RAD51B: variants seen among roughly 807,000 people sequenced by gnomAD.
The protein encoded by RAD51B is DNA repair protein RAD51 homolog 2.
Under a neutral mutation model 42.2 loss-of-function variants are expected in RAD51B, and 38 were observed. The observed-to-expected ratio is 0.90, with a 90% CI of 0.70 to 1.18. The LOEUF is 1.18. RAD51B is among the 50% of genes most tolerant of loss of function. RAD51B has a pLI of 0.00. For missense variants in RAD51B, 373 were observed against 400.7 expected, an observed-to-expected ratio of 0.93 and a Z score of 0.59; for synonymous variants, 154 against 145.2, an observed-to-expected ratio of 1.06 and a Z score of -0.43.
chr14:68,509,811 G>A (rs1227329921), intron 10 of RAD51B, among the ~76,000 whole-genome samples: 1 of 152,256 alleles, frequency 6.6e-6, no homozygotes, highest in Admixed American at 6.5e-5. Flanking sequence ...AATGGACATG[G>A]CCTTGTTCCA....
intron 7 of RAD51B, among the ~76,000 whole-genome samples, chr14:68,024,826 C>T (rs2075925630): frequency 6.6e-6 from 1 of 151,778 alleles, no homozygotes; most frequent in African/African-American, 2.4e-5. Context: ...TATTTGGATG[C>T]CTTTTTATTT....
At chr14:68,411,758 TTC>T (rs1420770514) in intron 9 of RAD51B, among the ~76,000 whole-genome samples, 4 of 152,188 alleles carry the variant, frequency 2.6e-5, no homozygotes, top group African/African-American at 9.7e-5. Context: ...GAGTCAGCAT[TTC>T]TCTGATATTT....
At chr14:68,063,450 TG>T (rs759998146) in intron 7 of RAD51B, among the ~76,000 whole-genome samples, 1 of 151,998 alleles carries the variant, frequency 6.6e-6, no homozygotes, top group Non-Finnish European at 1.5e-5. Context: ...TAAAAGTGTA[TG>T]GGGGCTGGGC....
intron 5 of RAD51B, among the ~76,000 whole-genome samples, chr14:67,867,030 C>T (rs1405548477): frequency 6.6e-6 from 1 of 152,172 alleles, no homozygotes; most frequent in Non-Finnish European, 1.5e-5. Context: ...GAGTGATCAT[C>T]TGGCTCACAC....
chr14:68,414,176 T>G (rs2084490873), intron 9 of RAD51B, among the ~76,000 whole-genome samples: 1 of 152,186 alleles, frequency 6.6e-6, no homozygotes, highest in Non-Finnish European at 1.5e-5. Context: ...TGGCTGATTA[T>G]TTTCTTTACA....
chr14:68,146,670 G>A lies in RAD51B; in HGVS notation c.757-145214G>A, dbSNP rs141236227. Among the ~76,000 whole-genome samples, 563 of 152,316 alleles carry A rather than the reference G, an allele frequency of 3.7e-3. 1 individual carries two copies. The highest frequency in any genetic ancestry group is 6.8e-3 in the Middle Eastern group (2 of 294). On this transcript the variant is annotated intron_variant, in intron 7 of 10. Transcript: ENST00000471583. ...GAAAGAGGCACTATGTACCTAACAC[G>A]TAGTGGATCCTTCATATGAAACCAT...
rs1244431320 is a variant in RAD51B at position 68,528,434 on chromosome 14, C to T, written c.1036+60184C>T. 5.9e-5 allele frequency among the ~76,000 whole-genome samples: 9 copies of T among 152,142 alleles called. No homozygotes were observed. In the South Asian group the frequency reaches 1.5e-3, roughly 25 times the overall value. On this transcript the variant is annotated intron_variant, in intron 10 of 10. Transcript: ENST00000487270. ...ATATGTGACTTTCATTGTAAACTAC[C>T]TCAAGTACACTTTAAAAGTTGGACA... is the stretch of plus-strand genomic sequence containing the variant.
chr14:68,198,496 G>C (rs1466391611), intron 7 of RAD51B, among the ~76,000 whole-genome samples: 1 of 152,084 alleles, frequency 6.6e-6, no homozygotes, highest in Non-Finnish European at 1.5e-5. Context: ...TTTTCACTGG[G>C]ATTGTAATGA....
chr14:68,559,037 C>A lies in RAD51B; in HGVS notation c.1037-35448C>A, dbSNP rs188537442. On this transcript the variant is annotated intron_variant, in intron 10 of 10. Coordinates refer to the RAD51B transcript ENST00000487270. ...TATATAAATATGTATATGACATTTA[C>A]TAATACATATCTCTAATAGGTATTT... Among the ~76,000 whole-genome samples the A allele has an allele frequency of 4.6e-5, 7 of 151,472 alleles. No individual in the cohort carries two copies. In the East Asian group the frequency reaches 1.4e-3, roughly 29 times the overall value.
chr14:68,648,121 A>ACGTG (rs1566963594), intron 10 of RAD51B, among the ~76,000 whole-genome samples: 1 of 80,768 alleles, frequency 1.2e-5, no homozygotes, highest in Non-Finnish European at 2.4e-5. Context: ...ACGTATATAT[A>ACGTG]TATACACACA....
At chr14:68,682,930 T>TC (rs370961308) in intron 11 of RAD51B, 2 of 793,954 alleles carry the variant, frequency 2.5e-6, no homozygotes, top group Admixed American at 1.9e-4. Context: ...TTTTTTTTTT[T>TC]GTATAGGGCA....
chr14:68,476,527 A>T (rs551866407), intron 10 of RAD51B, among the ~76,000 whole-genome samples: 11 of 152,304 alleles, frequency 7.2e-5, no homozygotes, highest in African/African-American at 2.6e-4. Context: ...TTTTTTGTCA[A>T]TTAAAATGTG....
chr14:68,351,719 G>T (rs954441193), intron 8 of RAD51B, among the ~76,000 whole-genome samples: 1 of 152,228 alleles, frequency 6.6e-6, no homozygotes, highest in Non-Finnish European at 1.5e-5. Flanking sequence ...GTGAGGGAAT[G>T]TGCGGGATTA....
intron 3 of RAD51B, among the ~76,000 whole-genome samples, chr14:67,830,339 G>A (rs1366360176): frequency 1.3e-5 from 2 of 152,140 alleles, no homozygotes; most frequent in Non-Finnish European, 2.9e-5. Context: ...AAAAGTGATG[G>A]TGACTTATAT....
intron 10 of RAD51B, among the ~76,000 whole-genome samples, chr14:68,525,160 C>T (rs1261983180): frequency 6.6e-6 from 1 of 152,220 alleles, no homozygotes; most frequent in Non-Finnish European, 1.5e-5. Flanking sequence ...AAGAAAGACT[C>T]AATGGGCCAT....
chr14:68,118,130 G>A (rs1443321700), intron 7 of RAD51B, among the ~76,000 whole-genome samples: 1 of 152,070 alleles, frequency 6.6e-6, no homozygotes. Context: ...TTTGAAAAGA[G>A]TTATTAAAAA....
chr14:68,470,040 A>G (rs2086082672), intron 10 of RAD51B, among the ~76,000 whole-genome samples: 3 of 152,328 alleles, frequency 2.0e-5, no homozygotes, highest in South Asian at 4.1e-4. Flanking sequence ...TGGAAATACA[A>G]TGAATTGGTA....
At chr14:67,882,595 A>G (rs1487763108) in intron 5 of RAD51B, among the ~76,000 whole-genome samples, 2 of 152,216 alleles carry the variant, frequency 1.3e-5, no homozygotes, top group Non-Finnish European at 2.9e-5. Flanking sequence ...ATTTCCTGAT[A>G]TGTCCAAAAC....
downstream of RAD51B, among the ~76,000 whole-genome samples, chr14:68,597,435 T>G (rs1891046586): frequency 6.6e-6 from 1 of 152,202 alleles, no homozygotes; most frequent in African/African-American, 2.4e-5. Flanking sequence ...TGTTAAGACT[T>G]CATACACTAT....
Sources: allele counts gnomAD v4.1 joint callset (sites outside exome capture counted in the v4.1 genomes callset), GRCh38; gene constraint gnomAD v4.1.1; transcripts MANE v1.5; gene names NCBI Gene and HGNC (gene_info 2026-07-23, HGNC 2026-07-21).